The following GTF2E2 variants were observed in gnomAD, a reference collection of about 807,000 sequenced individuals.
GTF2E2 encodes general transcription factor IIE subunit 2.
Under a neutral mutation model 40.5 loss-of-function variants are expected in GTF2E2, and 21 were observed. The observed-to-expected ratio is 0.52, with a 90% CI of 0.37 to 0.75. GTF2E2 has a LOEUF of 0.75. Ranked by LOEUF, GTF2E2 falls within the 30% of genes least tolerant of loss-of-function variation. GTF2E2 has a pLI of 0.00. For missense variants in GTF2E2, 298 were observed against 338.4 expected (o/e 0.88, Z 0.94); for synonymous variants, 117 against 121.6 (o/e 0.96, Z 0.25).
At chr8:30,627,646 AG>A (rs996445078) in intron 3 of GTF2E2, among the ~76,000 whole-genome samples, 1 of 152,136 alleles carries the variant, frequency 6.6e-6, no homozygotes, top group African/African-American at 2.4e-5. Context: ...CTGGCAACAC[AG>A]CAAGACCTCA....
intron 3 of GTF2E2, among the ~76,000 whole-genome samples, chr8:30,623,881 G>T (rs937948322): frequency 1.3e-5 from 2 of 151,736 alleles, no homozygotes; most frequent in African/African-American, 4.9e-5. Context: ...TTGAAAATTT[G>T]TTTGAGTTCT....
At chr8:30,624,078 TC>T (rs1801194308) in intron 3 of GTF2E2, among the ~76,000 whole-genome samples, 1 of 152,164 alleles carries the variant, frequency 6.6e-6, no homozygotes, top group South Asian at 2.1e-4. Flanking sequence ...AGACATGAAG[TC>T]CTTGCCCATG....
At chr8:30,633,446 A>T (rs1203897446) in intron 3 of GTF2E2, among the ~76,000 whole-genome samples, 1 of 152,160 alleles carries the variant, frequency 6.6e-6, no homozygotes. Flanking sequence ...GAAATTCTGT[A>T]TTTCTGGTCA....
At chr8:30,586,548 G>C (rs1269262589) in intron 6 of GTF2E2, among the ~76,000 whole-genome samples, 1 of 152,064 alleles carries the variant, frequency 6.6e-6, no homozygotes, top group East Asian at 1.9e-4. Flanking sequence ...AATTCTAAAA[G>C]TCTAATGGAA....
intron 3 of GTF2E2, among the ~76,000 whole-genome samples, chr8:30,634,113 T>G (rs1801514783): frequency 6.6e-6 from 1 of 152,216 alleles, no homozygotes; most frequent in Admixed American, 6.5e-5. Context: ...CTTAGCCATC[T>G]TAGCTAAAAA....
In GTF2E2 at chr8:30,594,143, G is replaced by A. The variant is rs367845579; in HGVS notation, c.643+12914C>T. Among the ~76,000 whole-genome samples the A allele has an allele frequency of 5.3e-5, 8 of 152,216 alleles. No individual in the cohort carries two copies. In the East Asian group the frequency reaches 1.2e-3, roughly 22 times the overall value. ...ATGAGGGTTTCACCATGTTGGCTAGGCTGGTCTTGAATTCCTGACCTCAGG... is the reference window on the plus strand; with the variant it reads ...ATGAGGGTTTCACCATGTTGGCTAGACTGGTCTTGAATTCCTGACCTCAGG... On this transcript the variant is annotated intron_variant, in intron 6 of 7. Coordinates refer to ENST00000355904, the MANE Select transcript of GTF2E2 (RefSeq NM_002095.6).
intron 6 of GTF2E2, among the ~76,000 whole-genome samples, chr8:30,594,865 A>G (rs1193860019): frequency 6.6e-6 from 1 of 152,094 alleles, no homozygotes; most frequent in Non-Finnish European, 1.5e-5. Context: ...CTCAAAAAAA[A>G]AAAAAAAAGT....
At chr8:30,588,070 T>C (rs948255580) in intron 6 of GTF2E2, among the ~76,000 whole-genome samples, 2 of 152,176 alleles carry the variant, frequency 1.3e-5, no homozygotes, top group African/African-American at 4.8e-5. Context: ...AGAGGAAAGA[T>C]AACATGCACT....
chr8:30,586,170 G>A (rs568399200), intron 6 of GTF2E2, among the ~76,000 whole-genome samples: 63 of 152,210 alleles, frequency 4.1e-4, no homozygotes, highest in Middle Eastern at 3.4e-3. Context: ...TGTTATTAAC[G>A]TGACTTTTTA....
chr8:30,635,240 AC>A (rs1402942487), intron 2 of GTF2E2, 117 bp from the exon 3 acceptor site: 1 of 585,086 alleles, frequency 1.7e-6, no homozygotes, highest in Non-Finnish European at 3.0e-6. Context: ...AGTATATTCT[AC>A]CCTGTAATAT....
intron 2 of GTF2E2, among the ~76,000 whole-genome samples, chr8:30,638,122 C>T (rs1364306630): frequency 6.6e-6 from 1 of 152,118 alleles, no homozygotes; most frequent in African/African-American, 2.4e-5. Flanking sequence ...ATCAAACCAC[C>T]ACATGGAAAT....
intron 2 of GTF2E2, among the ~76,000 whole-genome samples, chr8:30,648,985 T>C (rs895365940): frequency 1.3e-5 from 2 of 152,200 alleles, no homozygotes; most frequent in Non-Finnish European, 1.5e-5. Flanking sequence ...CGCTACCCAA[T>C]ACCTGTAGCC....
chr8:30,580,202 C>G, intron 7 of GTF2E2, 79 bp downstream of exon 7: 2 of 789,684 alleles, frequency 2.5e-6, no homozygotes, highest in Non-Finnish European at 2.2e-6. Context: ...CAACTCCCAG[C>G]TCTTCAGAGG....
At chr8:30,589,022 G>C (rs1828761724) in intron 6 of GTF2E2, among the ~76,000 whole-genome samples, 1 of 152,136 alleles carries the variant, frequency 6.6e-6, no homozygotes, top group South Asian at 2.1e-4. Context: ...TGGAGGCTGA[G>C]GGAGGCGGAT....
chr8:30,612,416 G>A lies in GTF2E2; in HGVS notation c.432C>T (p.Asn144=), dbSNP rs142734960. The A allele has an allele frequency of 6.2e-6, 10 of 1,612,112 alleles. No homozygotes were observed. Among genetic ancestry groups the A allele is most frequent in the Middle Eastern group, 1.7e-4 (1 of 5,972 alleles). The change falls in exon 5 of 8, where the codon AAC becomes AAT. Residue 144 remains asparagine (N), a synonymous_variant. Coordinates refer to ENST00000355904, the MANE Select transcript of GTF2E2 (RefSeq NM_002095.6). ...DGKYAFKPKY[N]VRDKKALLRL... is the part of the protein sequence containing the mutation. ...TAAGTAGGGCCTTCTTATCTCTCAC[G>A]TTGTACTTGGGCTTGAAAGCATACT... is the stretch of plus-strand genomic sequence containing the variant.
At chr8:30,636,750 CA>C (rs1453500274) in intron 2 of GTF2E2, among the ~76,000 whole-genome samples, 1 of 151,776 alleles carries the variant, frequency 6.6e-6, no homozygotes, top group East Asian at 1.9e-4. Context: ...CCTGTAGTCT[CA>C]GCTACTTGGG....
rs180903172 is a variant in GTF2E2, at chr8:30,587,867, G to A, written c.644-7471C>T. On this transcript the variant is annotated intron_variant, in intron 6 of 7. Coordinates refer to ENST00000355904, the MANE Select transcript of GTF2E2 (RefSeq NM_002095.6). The stretch of plus-strand genomic sequence containing the variant: ...AGCCTGGGCAACAGAGCAAGACTCC[G>A]TCTTAAAAAAAAAAAAAAAAAAAAA... 7.5e-3 allele frequency among the ~76,000 whole-genome samples: 610 copies of A among 81,550 alleles called. 2 individuals are homozygous for A. Among genetic ancestry groups the A allele is most frequent in the African/African-American group, 0.033 (572 of 17,274 alleles). 53.5% of individuals were successfully genotyped at this position (81,550 alleles called of 152,430 possible).
At chr8:30,604,736 T>C (rs1585955229) in intron 6 of GTF2E2, among the ~76,000 whole-genome samples, 1 of 152,218 alleles carries the variant, frequency 6.6e-6, no homozygotes, top group Non-Finnish European at 1.5e-5. Context: ...AATATTACTA[T>C]TTTACTCTAT....
At chr8:30,616,436 AAAAT>A (rs560677235) in intron 3 of GTF2E2, among the ~76,000 whole-genome samples, 87 of 152,190 alleles carry the variant, frequency 5.7e-4, no homozygotes, top group Non-Finnish European at 1.0e-3. Flanking sequence ...CTCTGTTTTA[AAAAT>A]AAATAAATAA....
Sources: allele counts gnomAD v4.1 joint callset (sites outside exome capture counted in the v4.1 genomes callset), GRCh38; gene constraint gnomAD v4.1.1; transcripts MANE v1.5; gene names NCBI Gene and HGNC (gene_info 2026-07-23, HGNC 2026-07-21).